Variants in ALG13 observed in about 807,000 individuals in gnomAD.
ALG13 encodes the protein UDP-N-acetylglucosamine transferase subunit ALG13.
A neutral mutation model predicts 87.8 loss-of-function variants in ALG13; 11 were observed. The ratio of observed to expected loss-of-function variants is 0.13; its 90% CI spans 0.08 to 0.21. ALG13 has a LOEUF of 0.21. Among genes scored for constraint, ALG13 ranks in the 10% least tolerant of loss-of-function variants. ALG13 has a pLI of 1.00. For missense variants in ALG13, 756 were observed against 866.1 expected (o/e 0.87, Z 1.60); for synonymous variants, 320 against 306.3 (o/e 1.04, Z -0.47).
chrX:111,684,273 G>C (rs1005977205), intron 2 of ALG13, among the ~76,000 whole-genome samples: 16 of 111,149 alleles, frequency 1.4e-4, no homozygotes, highest in Admixed American at 1.3e-3. Context: ...TGTGTGGTGG[G>C]TTAGGTGTAT....
intron 3 of ALG13, among the ~76,000 whole-genome samples, chrX:111,705,181 A>C (rs73637032): frequency 0.018 from 2,047 of 112,177 alleles, 40 homozygotes; most frequent in African/African-American, 0.063. Context: ...CTATCCTGGT[A>C]GGTATGTAAT....
intron 16 of ALG13, 23 bp from the exon 17 acceptor site, chrX:111,727,309 G>A (rs1412268065): frequency 8.8e-7 from 1 of 1,135,612 alleles, no homozygotes; most frequent in Non-Finnish European, 1.2e-6. Context: ...GAGAGTTCTA[G>A]TTTCCTTTCT....
At chrX:111,693,003 A>G (rs762665673) in intron 3 of ALG13, among the ~76,000 whole-genome samples, 2 of 108,030 alleles carry the variant, frequency 1.9e-5, no homozygotes, top group Non-Finnish European at 3.8e-5. Context: ...CTGGTCTTGA[A>G]CTCCTGGGCT....
chrX:111,710,756 GCA>G (rs1245497063), intron 5 of ALG13, among the ~76,000 whole-genome samples: 1 of 111,997 alleles, frequency 8.9e-6, no homozygotes, highest in Non-Finnish European at 1.9e-5. Context: ...GAGTGCAGTG[GCA>G]CGATCTCGGC....
intron 3 of ALG13, chrX:111,706,557 G>A (rs930833369): frequency 1.8e-5 from 2 of 111,130 alleles, no homozygotes; most frequent in South Asian, 7.6e-4. Flanking sequence ...AGGAGTTCGA[G>A]ACCAGCTGGG....
At chrX:111,691,917 A>T (rs140193860) in intron 3 of ALG13, among the ~76,000 whole-genome samples, 6 of 111,897 alleles carry the variant, frequency 5.4e-5, no homozygotes, top group African/African-American at 2.0e-4. Context: ...TGTATTTTAA[A>T]GTTTCATTTT....
intron 2 of ALG13, among the ~76,000 whole-genome samples, chrX:111,682,863 C>G (rs1933820697): frequency 8.9e-6 from 1 of 112,041 alleles, no homozygotes; most frequent in African/African-American, 3.2e-5. Context: ...ATAATAACAG[C>G]TACATACTGT....
At chrX:111,683,551 C>T (rs1309191081) in intron 2 of ALG13, among the ~76,000 whole-genome samples, 2 of 108,288 alleles carry the variant, frequency 1.8e-5, no homozygotes, top group Non-Finnish European at 3.8e-5. Flanking sequence ...GTTGCCCAGG[C>T]TGGTCTCAAA....
rs565749407 is a variant in ALG13 at position 111,746,640 on chromosome X, A to G, written c.2932+1736A>G. Among the ~76,000 whole-genome samples, 3 of 112,391 alleles carry G rather than the reference A, an allele frequency of 2.7e-5. No individual in the cohort carries two copies. The South Asian group carries it at 1.1e-3, about 41-fold the overall frequency. On this transcript the variant is annotated intron_variant, in intron 24 of 26. Coordinates refer to ENST00000394780, the MANE Select transcript of ALG13 (RefSeq NM_001099922.3). Reference sequence around the variant, plus strand: ...AAAGCTGCTAACAAAAAAAGCTGCTATGAACATTCTTGTAGAAGTCTTTGT... The same window carrying G: ...AAAGCTGCTAACAAAAAAAGCTGCTGTGAACATTCTTGTAGAAGTCTTTGT...
At chrX:111,737,537 A>G (rs1478056885) in intron 23 of ALG13, among the ~76,000 whole-genome samples, 1 of 111,963 alleles carries the variant, frequency 8.9e-6, no homozygotes, top group Non-Finnish European at 1.9e-5. Flanking sequence ...GTCAAAACCC[A>G]TGACACCTAC....
chrX:111,727,045 G>C lies in ALG13; in HGVS notation c.1966G>C (p.Gly656Arg). 1 of 1,211,048 alleles carries C rather than the reference G, an allele frequency of 8.3e-7. No homozygotes were observed. Among genetic ancestry groups the C allele is most frequent in the Non-Finnish European group, 1.1e-6 (1 of 894,987 alleles). ...HPSPRQGRGY[G>R]MPRNSSRFIN... ...ATCTCCGAGACAAGGTCGGGGATAT[G>C]GGATGCCCAGGTAAGACATTGACAG... The change falls in exon 16 of 27, where the codon GGG becomes CGG. Residue 656 changes from glycine to arginine, a missense_variant. Physicochemically the swap from Gly to Arg is moderately radical, Grantham distance 125. Transcript: ENST00000394780.
At chrX:111,746,102 A>G (rs1353764746) in intron 24 of ALG13, among the ~76,000 whole-genome samples, 1 of 111,744 alleles carries the variant, frequency 8.9e-6, no homozygotes, top group Non-Finnish European at 1.9e-5. Context: ...TACATTAAGT[A>G]AATTGTAGAC....
chrX:111,744,549 C>T, intron 23 of ALG13, 119 bp from the exon 24 acceptor site: 1 of 839,188 alleles, frequency 1.2e-6, no homozygotes, highest in South Asian at 2.4e-5. Flanking sequence ...TTTTTTATAC[C>T]CAAACCTTAA....
At chrX:111,730,254 T>C (rs1942528209) in intron 19 of ALG13, 141 bp from the exon 20 acceptor site, 1 of 497,033 alleles carries the variant, frequency 2.0e-6, no homozygotes, top group Non-Finnish European at 3.5e-6. Context: ...AAAGCTCATA[T>C]CACTTTTCAG....
chrX:111,687,510 C>T (rs1017013742), intron 3 of ALG13, among the ~76,000 whole-genome samples: 4 of 111,998 alleles, frequency 3.6e-5, no homozygotes, highest in Non-Finnish European at 7.5e-5. Flanking sequence ...ATTATCTTGT[C>T]TGGCAGCTAT....
rs111567590 is a variant in ALG13 at position 111,695,251 on chromosome X, C to T, written c.383+10148C>T. 5.4e-3 allele frequency among the ~76,000 whole-genome samples: 602 copies of T among 111,358 alleles called. 7 individuals carry two copies. The highest frequency in any genetic ancestry group is 0.018 in the African/African-American group (553 of 30,611). ...TCAAAAAACAACCTTCTGCTGGGCG[C>T]GGGGGCTCATGCCTGTAATCCCAGC... is the stretch of plus-strand genomic sequence containing the variant. On this transcript the variant is annotated intron_variant, in intron 3 of 26. Coordinates refer to ENST00000394780, the MANE Select transcript of ALG13 (RefSeq NM_001099922.3).
At chrX:111,716,311 A>G (rs1265759461) in intron 8 of ALG13, among the ~76,000 whole-genome samples, 1 of 112,145 alleles carries the variant, frequency 8.9e-6, no homozygotes, top group East Asian at 2.8e-4. Context: ...TGGGAAAGCC[A>G]TCATGCCTTG....
chrX:111,725,077 G>A lies in ALG13; in HGVS notation c.1729+16G>A. 8.3e-7 allele frequency: 1 copy of A among 1,206,052 alleles called. No individual in the cohort carries two copies. Among genetic ancestry groups the A allele is most frequent in the Non-Finnish European group, 1.1e-6 (1 of 892,958 alleles). On this transcript the variant is annotated intron_variant, in intron 15 of 26. Coordinates refer to ENST00000394780, the MANE Select transcript of ALG13 (RefSeq NM_001099922.3). ...CCGGAAATAGGTTTGTATGCTAAAG[G>A]TTGTTATTTTGTTTTTCCCTTCCTG...
chrX:111,703,014 GTTC>G (rs1004028439), intron 3 of ALG13, among the ~76,000 whole-genome samples: 8 of 110,906 alleles, frequency 7.2e-5, no homozygotes, highest in East Asian at 5.6e-4. Flanking sequence ...TGTATAAACT[GTTC>G]TTCTTCTGTG....
Sources: gnomAD v4.1 joint callset for allele counts (sites outside exome capture counted in the v4.1 genomes callset) on GRCh38, gnomAD v4.1.1 for gene constraint, MANE v1.5 for transcripts, NCBI Gene and HGNC (gene_info 2026-07-23, HGNC 2026-07-21) for gene names.